FGF14: variants seen among roughly 807,000 people sequenced by gnomAD.
FGF14 encodes fibroblast growth factor 14, also known as fibroblast growth factor homologous factor 4.
A neutral mutation model predicts 25.5 loss-of-function variants in FGF14; 5 were observed. That is an observed-to-expected ratio of 0.20 (90% CI 0.10 to 0.41). The LOEUF (loss-of-function observed/expected upper bound fraction) is 0.41. FGF14 is among the 10% of genes least tolerant of loss of function. FGF14 has a pLI of 1.00. For missense variants in FGF14, 222 were observed against 320.1 expected, an observed-to-expected ratio of 0.69 and a Z score of 2.34; for synonymous variants, 138 against 118.3, an observed-to-expected ratio of 1.17 and a Z score of -1.08.
chr13:101,969,099 C>A (rs567749806), intron 1 of FGF14, among the ~76,000 whole-genome samples: 75 of 152,142 alleles, frequency 4.9e-4, no homozygotes, highest in Non-Finnish European at 1.0e-3. Flanking sequence ...CCAGTGGGCT[C>A]CATGCCTTGG....
chr13:101,929,528 C>T (rs909838317), intron 1 of FGF14, among the ~76,000 whole-genome samples: 3 of 152,174 alleles, frequency 2.0e-5, no homozygotes, highest in African/African-American at 7.2e-5. Context: ...AGGTAATAAA[C>T]ATTAAATAAT....
chr13:102,031,627 G>A (rs1167742160), intron 1 of FGF14, among the ~76,000 whole-genome samples: 3 of 150,828 alleles, frequency 2.0e-5, no homozygotes, highest in African/African-American at 7.3e-5. Flanking sequence ...TTGAATTATG[G>A]TTAAACTCCC....
At chr13:102,256,101 A>G (rs555331536) in intron 1 of FGF14, among the ~76,000 whole-genome samples, 2 of 152,230 alleles carry the variant, frequency 1.3e-5, no homozygotes, top group East Asian at 3.9e-4. Flanking sequence ...ACTCTAAATC[A>G]GGATGGAGCA....
At chr13:101,874,941 TA>T (rs2140477822) in intron 2 of FGF14, among the ~76,000 whole-genome samples, 1 of 152,280 alleles carries the variant, frequency 6.6e-6, no homozygotes, top group East Asian at 1.9e-4. Context: ...CTGGGTATGA[TA>T]ACTGTCTGAA....
chr13:101,998,210 G>A lies in FGF14; in HGVS notation c.209-122914C>T, dbSNP rs1305094694. ...GAAAAATGAAAGATATCCTTAGAAG[G>A]AGAATGCACCATAGGACTTCTGCTT... On this transcript the variant is annotated intron_variant, in intron 1 of 4. Coordinates refer to the FGF14 transcript ENST00000376131. 2.6e-5 allele frequency among the ~76,000 whole-genome samples: 4 copies of A among 152,108 alleles called. No individual in the cohort carries two copies. In the East Asian group the frequency reaches 7.7e-4, roughly 29 times the overall value.
At chr13:102,203,708 T>C (rs1040053994) in intron 1 of FGF14, among the ~76,000 whole-genome samples, 1 of 152,250 alleles carries the variant, frequency 6.6e-6, no homozygotes, top group Non-Finnish European at 1.5e-5. Context: ...TGCTTTTAAG[T>C]GTACTTCATG....
intron 1 of FGF14, among the ~76,000 whole-genome samples, chr13:102,133,024 T>C (rs1202165490): frequency 6.6e-6 from 1 of 152,198 alleles, no homozygotes; most frequent in Non-Finnish European, 1.5e-5. Context: ...ATCAAAACCA[T>C]CAAAACTGAA....
chr13:102,051,349 C>G, intron 1 of FGF14, among the ~76,000 whole-genome samples: 1 of 152,150 alleles, frequency 6.6e-6, no homozygotes, highest in Non-Finnish European at 1.5e-5. Context: ...TGCCTGTACC[C>G]TGAGTATCAT....
intron 1 of FGF14, among the ~76,000 whole-genome samples, chr13:101,882,166 C>A (rs578191296): frequency 6.6e-6 from 1 of 151,964 alleles, no homozygotes; most frequent in African/African-American, 2.4e-5. Context: ...CTTCTCCTTT[C>A]GGAAACTAGA....
At chr13:102,195,196 A>AG (rs2049296498) in intron 1 of FGF14, among the ~76,000 whole-genome samples, 1 of 152,244 alleles carries the variant, frequency 6.6e-6, no homozygotes, top group African/African-American at 2.4e-5. Context: ...AGTAGACGTA[A>AG]CAATATAAAT....
At chr13:102,082,187 T>C (rs1329659515) in intron 1 of FGF14, among the ~76,000 whole-genome samples, 1 of 149,792 alleles carries the variant, frequency 6.7e-6, no homozygotes, top group Non-Finnish European at 1.5e-5. Flanking sequence ...CTGATGCAGA[T>C]ACCTGTGAAT....
intron 1 of FGF14, among the ~76,000 whole-genome samples, chr13:102,129,296 GA>G (rs1225415012): frequency 2.0e-5 from 3 of 152,024 alleles, no homozygotes; most frequent in Non-Finnish European, 4.4e-5. Flanking sequence ...TCCCTTTAAG[GA>G]TTTTTTTTCA....
chr13:102,334,720 T>C (rs535017336), intron 1 of FGF14, among the ~76,000 whole-genome samples: 23 of 152,338 alleles, frequency 1.5e-4, no homozygotes, highest in African/African-American at 4.8e-4. Flanking sequence ...TAGAAATAAT[T>C]TGGCTTTCTA....
At chr13:102,253,765 G>A (rs1026434521) in intron 1 of FGF14, among the ~76,000 whole-genome samples, 1 of 152,126 alleles carries the variant, frequency 6.6e-6, no homozygotes, top group African/African-American at 2.4e-5. Flanking sequence ...AGTTGAATTG[G>A]GATGTGGAAT....
chr13:102,105,015 C>T (rs2044840039), intron 1 of FGF14, among the ~76,000 whole-genome samples: 2 of 152,188 alleles, frequency 1.3e-5, no homozygotes, highest in African/African-American at 4.8e-5. Context: ...CCAGGATACA[C>T]AGCAAAATAT....
chr13:102,054,796 A>G (rs1457314), intron 1 of FGF14, among the ~76,000 whole-genome samples: 2,361 of 152,278 alleles, frequency 0.016, 54 homozygotes, highest in African/African-American at 0.055. Context: ...TACTGCTTCC[A>G]CATTTTCTAG....
chr13:102,101,044 A>G (rs181513649), intron 1 of FGF14, among the ~76,000 whole-genome samples: 90 of 152,084 alleles, frequency 5.9e-4, no homozygotes, highest in Admixed American at 2.2e-3. Context: ...GGTTGCAGTG[A>G]GCTGAGATCA....
At chr13:101,787,031 CT>C (rs2039875923) in intron 3 of FGF14, among the ~76,000 whole-genome samples, 1 of 152,144 alleles carries the variant, frequency 6.6e-6, no homozygotes, top group Non-Finnish European at 1.5e-5. Flanking sequence ...CCCAATTCCA[CT>C]TTGCTATGTA....
At chr13:102,032,004 A>C (rs886349750) in intron 1 of FGF14, among the ~76,000 whole-genome samples, 1 of 152,226 alleles carries the variant, frequency 6.6e-6, no homozygotes, top group African/African-American at 2.4e-5. Context: ...GAATCATAAA[A>C]ATGATGAGGG....
Sources: allele counts gnomAD v4.1 joint callset (sites outside exome capture counted in the v4.1 genomes callset), GRCh38; gene constraint gnomAD v4.1.1; transcripts MANE v1.5; gene names NCBI Gene and HGNC (gene_info 2026-07-23, HGNC 2026-07-21).